The following FOXP1 variants were observed in gnomAD, a reference collection of about 807,000 sequenced individuals.
The protein encoded by FOXP1 is forkhead box P1, also known as forkhead box protein P1.
Under a neutral mutation model 98.2 loss-of-function variants are expected in FOXP1, and 15 were observed. The ratio of observed to expected loss-of-function variants is 0.15; its 90% CI spans 0.10 to 0.24. FOXP1 has a LOEUF of 0.24. Among genes scored for constraint, FOXP1 ranks in the 10% least tolerant of loss-of-function variants. The pLI is 1.00. For missense variants in FOXP1, 633 were observed against 848.5 expected (o/e 0.75, Z 3.15); for synonymous variants, 371 against 314.5 (o/e 1.18, Z -1.90).
At chr3:71,462,923 C>T (rs1305468117) in intron 3 of FOXP1, among the ~76,000 whole-genome samples, 2 of 152,202 alleles carry the variant, frequency 1.3e-5, no homozygotes, top group Non-Finnish European at 2.9e-5. Flanking sequence ...AAAGACAGCA[C>T]CATGTATAAA....
intron 4 of FOXP1, among the ~76,000 whole-genome samples, chr3:71,315,521 G>C (rs1406526936): frequency 6.6e-6 from 1 of 152,134 alleles, no homozygotes; most frequent in African/African-American, 2.4e-5. Flanking sequence ...TAAGTGGAAG[G>C]AATAAGGCAT....
chr3:71,241,503 C>T (rs1216920814), intron 5 of FOXP1, among the ~76,000 whole-genome samples: 1 of 152,178 alleles, frequency 6.6e-6, no homozygotes, highest in Non-Finnish European at 1.5e-5. Flanking sequence ...TAAAGGAACA[C>T]TCAGCAAGAT....
intron 5 of FOXP1, among the ~76,000 whole-genome samples, chr3:71,216,946 A>G (rs2064985046): frequency 6.6e-6 from 1 of 152,184 alleles, no homozygotes; most frequent in Non-Finnish European, 1.5e-5. Context: ...ATGCTGTCGG[A>G]CATCCTACAA....
intron 4 of FOXP1, among the ~76,000 whole-genome samples, chr3:71,339,883 A>C (rs891271490): frequency 6.6e-6 from 1 of 152,250 alleles, no homozygotes; most frequent in Non-Finnish European, 1.5e-5. Context: ...TGACAAGAAA[A>C]GAAAATGGCT....
At position 71,067,731 on chromosome 3, in the gene FOXP1, T is replaced by C. The variant is rs377214175; in HGVS notation, c.283-13958A>G. Among the ~76,000 whole-genome samples, 16 of 126,612 alleles carry C rather than the reference T, an allele frequency of 1.3e-4. No individual in the cohort carries two copies. The East Asian group carries it at 1.4e-3, about 11-fold the overall frequency. The allele number at this position is 126,612 out of a possible 152,430, so 83.1% of individuals were successfully genotyped here. Reference sequence around the variant, plus strand: ...CACAGTGGGACTCCGTCTCCAAAAATACACACACACACACACACACACACA... The same window carrying C: ...CACAGTGGGACTCCGTCTCCAAAAACACACACACACACACACACACACACA... On this transcript the variant is annotated intron_variant, in intron 7 of 20. Transcript: ENST00000649528.
At chr3:71,239,038 C>T (rs2067032446) in intron 5 of FOXP1, among the ~76,000 whole-genome samples, 1 of 152,160 alleles carries the variant, frequency 6.6e-6, no homozygotes, top group Non-Finnish European at 1.5e-5. Context: ...GCTGAGAATT[C>T]AGATAAACAT....
chr3:70,960,103 G>A (rs548142233), intron 20 of FOXP1, among the ~76,000 whole-genome samples: 4 of 152,262 alleles, frequency 2.6e-5, no homozygotes, highest in Admixed American at 6.5e-5. Context: ...GACCCCAAGC[G>A]AGGTTCTATC....
At chr3:71,374,808 A>G (rs1354256871) in intron 3 of FOXP1, among the ~76,000 whole-genome samples, 1 of 152,334 alleles carries the variant, frequency 6.6e-6, no homozygotes, top group East Asian at 1.9e-4. Context: ...ATGTGCTAGT[A>G]AAATAGCTGC....
intron 6 of FOXP1, chr3:71,130,686 C>T (rs768055991): frequency 7.6e-6 from 12 of 1,575,678 alleles, no homozygotes; most frequent in Non-Finnish European, 9.4e-6. Flanking sequence ...TGGAACATTG[C>T]CCTTTGTAGG....
chr3:71,142,077 C>T (rs2060097727), intron 6 of FOXP1, among the ~76,000 whole-genome samples: 1 of 151,992 alleles, frequency 6.6e-6, no homozygotes, highest in Non-Finnish European at 1.5e-5. Context: ...AACAGAAGTA[C>T]ACAGATTACA....
At chr3:71,113,793 T>A (rs1163592718) in intron 6 of FOXP1, among the ~76,000 whole-genome samples, 1 of 126,614 alleles carries the variant, frequency 7.9e-6, no homozygotes, top group Non-Finnish European at 1.7e-5. Context: ...AACAATGTCA[T>A]CAATAAACCG....
intron 3 of FOXP1, among the ~76,000 whole-genome samples, chr3:71,437,358 G>A (rs1380361330): frequency 6.6e-6 from 1 of 152,096 alleles, no homozygotes; most frequent in African/African-American, 2.4e-5. Flanking sequence ...AGTCAACCAC[G>A]ATCATACCAC....
chr3:71,118,282 G>A (rs2058520640), intron 6 of FOXP1, among the ~76,000 whole-genome samples: 1 of 152,126 alleles, frequency 6.6e-6, no homozygotes, highest in East Asian at 1.9e-4. Flanking sequence ...TAGTAAATAA[G>A]TGCCATCTGT....
intron 4 of FOXP1, among the ~76,000 whole-genome samples, chr3:71,340,358 A>T (rs1018692803): frequency 6.6e-6 from 1 of 152,232 alleles, no homozygotes. Flanking sequence ...GACAGATACT[A>T]AGTAAATCTA....
chr3:71,381,503 C>T (rs2080177878), intron 3 of FOXP1, among the ~76,000 whole-genome samples: 1 of 139,290 alleles, frequency 7.2e-6, no homozygotes, highest in South Asian at 2.3e-4. Flanking sequence ...AGTGCAGTGG[C>T]ACGATCACAG....
chr3:71,381,253 C>T (rs568501018), intron 3 of FOXP1, among the ~76,000 whole-genome samples: 16 of 151,272 alleles, frequency 1.1e-4, no homozygotes, highest in African/African-American at 3.9e-4. Flanking sequence ...CGGGTTCACG[C>T]CATTCTCCTG....
At chr3:71,371,260 G>T (rs148188529) in intron 3 of FOXP1, among the ~76,000 whole-genome samples, 2 of 152,098 alleles carry the variant, frequency 1.3e-5, no homozygotes, top group Non-Finnish European at 2.9e-5. Flanking sequence ...GCATCTCACC[G>T]CCAGTTAGAA....
At chr3:71,137,501 G>C (rs1034154621) in intron 6 of FOXP1, among the ~76,000 whole-genome samples, 1 of 152,162 alleles carries the variant, frequency 6.6e-6, no homozygotes, top group African/African-American at 2.4e-5. Context: ...AGATGCATGA[G>C]GTTTCCTGGA....
At chr3:71,437,665 C>G (rs1255396840) in intron 3 of FOXP1, among the ~76,000 whole-genome samples, 1 of 152,110 alleles carries the variant, frequency 6.6e-6, no homozygotes, top group Non-Finnish European at 1.5e-5. Flanking sequence ...CTCTCTCCAC[C>G]CAGCATAAAA....
Sources: gnomAD v4.1 joint callset for allele counts (sites outside exome capture counted in the v4.1 genomes callset) on GRCh38, gnomAD v4.1.1 for gene constraint, MANE v1.5 for transcripts, NCBI Gene and HGNC (gene_info 2026-07-23, HGNC 2026-07-21) for gene names.